PTPRG: variants seen among roughly 807,000 people sequenced by gnomAD.
PTPRG encodes protein tyrosine phosphatase receptor type G.
Under a neutral mutation model 165.3 loss-of-function variants are expected in PTPRG, and 102 were observed. The ratio of observed to expected loss-of-function variants is 0.62; its 90% CI spans 0.53 to 0.73. PTPRG has a LOEUF of 0.73. Among genes scored for constraint, PTPRG ranks in the 30% least tolerant of loss-of-function variants. The probability of loss-of-function intolerance (pLI) is 0.00; values close to 1 mark genes in which losing one functional copy is unlikely to be tolerated. For synonymous variants in PTPRG, 675 were observed against 669.5 expected, an observed-to-expected ratio of 1.01 and a Z score of -0.13; for missense variants, 1,866 against 1,861.4, an observed-to-expected ratio of 1.00 and a Z score of -0.05.
rs367706513 is a variant in PTPRG, at chr3:62,013,894, G to A, written c.519+10397G>A. 1.2e-3 allele frequency among the ~76,000 whole-genome samples: 176 copies of A among 151,818 alleles called. 1 individual carries two copies. The highest frequency in any genetic ancestry group is 3.9e-3 in the African/African-American group (163 of 41,386). On this transcript the variant is annotated intron_variant, in intron 4 of 29. Transcript: ENST00000474889. ...CTTCTCAGAATCCACTTCCAAGCTC[G>A]GGAACTCAAATAAAGCTGGCTGGGG... is the stretch of plus-strand genomic sequence containing the variant.
intron 2 of PTPRG, among the ~76,000 whole-genome samples, chr3:61,756,581 A>G (rs372479006): frequency 6.6e-6 from 1 of 151,244 alleles, no homozygotes; most frequent in African/African-American, 2.4e-5. Context: ...TTAAACTTTC[A>G]TCCTTGGCAC....
rs74360544 is a variant in PTPRG, at chr3:61,624,937, G to A, written c.85+62565G>A. Among the ~76,000 whole-genome samples the A allele has an allele frequency of 9.1e-3, 1,390 of 152,200 alleles. 22 individuals are homozygous for A. The highest frequency in any genetic ancestry group is 0.032 in the African/African-American group (1,319 of 41,528). On this transcript the variant is annotated intron_variant, in intron 1 of 29. Coordinates refer to ENST00000474889, the MANE Select transcript of PTPRG (RefSeq NM_002841.4). ...TGGAGGCTGGAAGTCTGAGGTCAAG[G>A]TGTCAGCAGGGTTAATTCCTTCTGA...
At chr3:61,763,413 T>A (rs2033916744) in intron 2 of PTPRG, among the ~76,000 whole-genome samples, 1 of 152,120 alleles carries the variant, frequency 6.6e-6, no homozygotes, top group African/African-American at 2.4e-5. Flanking sequence ...AATTTTTGTA[T>A]TTTTAGTAGA....
intron 5 of PTPRG, among the ~76,000 whole-genome samples, chr3:62,120,105 T>G (rs1338983909): frequency 1.3e-5 from 2 of 152,124 alleles, no homozygotes; most frequent in Non-Finnish European, 2.9e-5. Flanking sequence ...TTTTGGGTTT[T>G]TTTTTAAGCT....
In PTPRG at chr3:62,168,083, C is replaced by T. The variant is rs750158140; in HGVS notation, c.953C>T (p.Ser318Phe). 8.1e-6 allele frequency: 13 copies of T among 1,614,076 alleles called. No individual in the cohort carries two copies. In the East Asian group the frequency reaches 8.9e-5, roughly 11 times the overall value. ...CAGCGTCTGCATGACAGGGTGGTGT[C>T]CAAGTCCGCCGTCCGTGACTCCTGG... is the stretch of plus-strand genomic sequence containing the variant. ...PQQRLHDRVV[S>F]KSAVRDSWNH... is the part of the protein sequence containing the mutation. Residue 318 changes from serine (S) to phenylalanine (F), a missense_variant, in exon 8 of 30, where the codon TCC (serine) becomes TTC (phenylalanine). Coordinates refer to ENST00000474889, the MANE Select transcript of PTPRG (RefSeq NM_002841.4).
At chr3:62,051,050 C>T (rs10490775) in intron 4 of PTPRG, among the ~76,000 whole-genome samples, 19,194 of 152,130 alleles carry the variant, frequency 0.13, 1,303 homozygotes, top group South Asian at 0.21. Context: ...TACTAAGTGG[C>T]GGTCAAGTCA....
intron 1 of PTPRG, among the ~76,000 whole-genome samples, chr3:61,709,951 T>TA (rs1188354579): frequency 6.6e-6 from 1 of 152,180 alleles, no homozygotes; most frequent in Non-Finnish European, 1.5e-5. Flanking sequence ...TTGGCGTTTC[T>TA]AGGTGCTGCT....
chr3:61,866,439 T>G (rs1483930194), intron 2 of PTPRG, among the ~76,000 whole-genome samples: 2 of 152,014 alleles, frequency 1.3e-5, no homozygotes, highest in Non-Finnish European at 1.5e-5. Context: ...GTTGAGGCTG[T>G]GGCTGAGAAC....
chr3:61,869,741 G>A (rs2037511586), intron 2 of PTPRG, among the ~76,000 whole-genome samples: 1 of 147,082 alleles, frequency 6.8e-6, no homozygotes, highest in Non-Finnish European at 1.5e-5. Flanking sequence ...ACCCTGCCTG[G>A]CTAATTTTTT....
At chr3:62,278,894 C>T (rs917692113) in intron 26 of PTPRG, among the ~76,000 whole-genome samples, 1 of 152,008 alleles carries the variant, frequency 6.6e-6, no homozygotes, top group Admixed American at 6.6e-5. Flanking sequence ...TTGTTATTGT[C>T]ACTTAACAGA....
chr3:61,996,286 A>G (rs1326906533), intron 3 of PTPRG, among the ~76,000 whole-genome samples: 2 of 152,148 alleles, frequency 1.3e-5, no homozygotes, highest in Admixed American at 1.3e-4. Context: ...GAGGGTTTCA[A>G]ACTCACCTGG....
intron 1 of PTPRG, among the ~76,000 whole-genome samples, chr3:61,644,995 A>G (rs896487474): frequency 2.0e-5 from 3 of 152,244 alleles, no homozygotes; most frequent in Admixed American, 6.5e-5. Context: ...AATTAGCTTC[A>G]TAAATGCACA....
chr3:61,628,571 T>A (rs1575548751), intron 1 of PTPRG, among the ~76,000 whole-genome samples: 2 of 152,170 alleles, frequency 1.3e-5, no homozygotes, highest in Non-Finnish European at 2.9e-5. Context: ...TGACCTCAGG[T>A]GATCCGTCTG....
At chr3:61,594,172 C>G (rs990535370) in intron 1 of PTPRG, among the ~76,000 whole-genome samples, 3 of 152,100 alleles carry the variant, frequency 2.0e-5, no homozygotes, top group Non-Finnish European at 2.9e-5. Context: ...TATTTGGAAG[C>G]CTGTCCTCTG....
chr3:61,673,457 C>T (rs1341276416), intron 1 of PTPRG, among the ~76,000 whole-genome samples: 2 of 152,310 alleles, frequency 1.3e-5, no homozygotes, highest in East Asian at 1.9e-4. Context: ...GAAGATGATA[C>T]ACCTTAGATG....
intron 11 of PTPRG, 64 bp downstream of exon 11, chr3:62,201,618 G>A: frequency 6.6e-7 from 1 of 1,524,532 alleles, no homozygotes; most frequent in Non-Finnish European, 9.1e-7. Flanking sequence ...AGTTAAAACT[G>A]TCACCACGAA....
rs1186104784 is a variant in PTPRG at position 62,023,788 on chromosome 3, G to A, written c.519+20291G>A. Among the ~76,000 whole-genome samples, 4 of 152,130 alleles carry A rather than the reference G, an allele frequency of 2.6e-5. No homozygotes were observed. In the East Asian group the frequency reaches 7.7e-4, roughly 29 times the overall value. On this transcript the variant is annotated intron_variant, in intron 4 of 29. Transcript: ENST00000474889. The stretch of plus-strand genomic sequence containing the variant: ...TGTTTTGAGGTGAGCATTAAAGAAG[G>A]TACTAGTTGTGGCAGTGTTTTGGAA...
chr3:62,203,969 C>G lies in PTPRG; in HGVS notation c.2155+19C>G. On this transcript the variant is annotated intron_variant, in intron 12 of 29. Coordinates refer to ENST00000474889, the MANE Select transcript of PTPRG (RefSeq NM_002841.4). This position sits in a 1 kb window ranked among gnomAD's most constrained non-coding sequence, Gnocchi z 6.4. ...AATCCAGGTAAGTGGTGCAGGTCTT[C>G]TTCGAGGGTTCCTGCTCCTGTGAAT... 1 of 1,530,592 alleles carries G rather than the reference C, an allele frequency of 6.5e-7. No individual in the cohort carries two copies. 94.8% of individuals were successfully genotyped at this position (1,530,592 alleles called of 1,614,324 possible).
chr3:61,652,926 G>C (rs1395876070), intron 1 of PTPRG, among the ~76,000 whole-genome samples: 1 of 152,208 alleles, frequency 6.6e-6, no homozygotes. Flanking sequence ...AGCCTGTTTG[G>C]CAGCTGCAGA....
Sources: allele counts gnomAD v4.1 joint callset (sites outside exome capture counted in the v4.1 genomes callset), GRCh38; gene constraint gnomAD v4.1.1; non-coding constraint Gnocchi (gnomAD v3.1); transcripts MANE v1.5; gene names NCBI Gene and HGNC (gene_info 2026-07-23, HGNC 2026-07-21).